MID1: variants seen among roughly 807,000 people sequenced by gnomAD.
MID1 encodes the protein E3 ubiquitin-protein ligase Midline-1.
In MID1, 7 loss-of-function variants were observed where a neutral mutation model predicts 40.4. That is an observed-to-expected ratio of 0.17 (90% CI 0.10 to 0.33). The LOEUF (loss-of-function observed/expected upper bound fraction) is 0.33. MID1 is among the 10% of genes least tolerant of loss of function. The pLI is 1.00. For missense variants in MID1, 367 were observed against 558.5 expected, an observed-to-expected ratio of 0.66 and a Z score of 3.46; for synonymous variants, 229 against 221.2, an observed-to-expected ratio of 1.04 and a Z score of -0.31.
chrX:10,518,922 A>C (rs1456370168), intron 3 of MID1, among the ~76,000 whole-genome samples: 1 of 112,202 alleles, frequency 8.9e-6, no homozygotes, highest in Non-Finnish European at 1.9e-5. Context: ...ATCATATCTG[A>C]TCTATTAAAA....
intron 1 of MID1, among the ~76,000 whole-genome samples, chrX:10,609,715 CTTTT>C (rs138559299): frequency 2.5e-4 from 22 of 86,393 alleles, no homozygotes; most frequent in African/African-American, 1.0e-3. Flanking sequence ...TTCTTTCTTT[CTTTT>C]TTTTTTTTTT....
intron 1 of MID1, among the ~76,000 whole-genome samples, chrX:10,700,667 G>A (rs892199534): frequency 8.9e-6 from 1 of 112,185 alleles, no homozygotes; most frequent in African/African-American, 3.2e-5. Context: ...TGTAATTCTG[G>A]GGCAGAGAAA....
chrX:10,615,399 TATAAG>T (rs1332787309), intron 1 of MID1, among the ~76,000 whole-genome samples: 4 of 112,286 alleles, frequency 3.6e-5, no homozygotes, highest in Non-Finnish European at 5.6e-5. Flanking sequence ...CATTGAATGA[TATAAG>T]AAAGGAAGGA....
At chrX:10,652,926 T>C (rs1936332527) in intron 1 of MID1, among the ~76,000 whole-genome samples, 1 of 112,254 alleles carries the variant, frequency 8.9e-6, no homozygotes, top group Non-Finnish European at 1.9e-5. Context: ...TCCTCTCCTT[T>C]GTGGAGGGCC....
chrX:10,507,209 C>G (rs980586973), intron 3 of MID1, among the ~76,000 whole-genome samples: 1 of 105,189 alleles, frequency 9.5e-6, no homozygotes, highest in African/African-American at 3.5e-5. Flanking sequence ...TCATTAAGGT[C>G]AACTATATTT....
Position 10,613,790 on chromosome X carries a change from CAGAG to C in MID1, c.-57+6496_-57+6499del, listed in dbSNP as rs755388363. On this transcript the variant is annotated intron_variant, in intron 1 of 9. Coordinates refer to ENST00000317552, the MANE Select transcript of MID1 (RefSeq NM_000381.4). ...AGAGACAGACAGACAGACAGACAGA[CAGAG>C]AGAGACTATGTGTATATAAATGGAC... Among the ~76,000 whole-genome samples, 339 of 72,583 alleles carry C rather than the reference CAGAG, an allele frequency of 4.7e-3. 5 individuals are homozygous for C. Among genetic ancestry groups the C allele is most frequent in the African/African-American group, 0.018 (310 of 17,493 alleles). 63.0% of individuals were successfully genotyped at this position (72,583 alleles called of 115,157 possible). A position where few individuals can be genotyped will look rare whatever the true frequency, so the allele number is the denominator to read the frequency against.
chrX:10,459,371 C>T (rs1388527586), intron 8 of MID1, among the ~76,000 whole-genome samples: 2 of 111,958 alleles, frequency 1.8e-5, no homozygotes, highest in Non-Finnish European at 3.8e-5. Context: ...ACAAGAATGC[C>T]TCCAGGAATA....
intron 1 of MID1, among the ~76,000 whole-genome samples, chrX:10,672,516 G>T (rs964490342): frequency 3.6e-5 from 4 of 110,658 alleles, no homozygotes; most frequent in African/African-American, 1.3e-4. Context: ...GCAATGTGAC[G>T]AATGAAGCAG....
At chrX:10,771,410 A>G (rs2043767931) in intron 1 of MID1, among the ~76,000 whole-genome samples, 1 of 110,993 alleles carries the variant, frequency 9.0e-6, no homozygotes, top group African/African-American at 3.3e-5. Flanking sequence ...TCAAATTGGT[A>G]TTTATATGTA....
In MID1 at chrX:10,609,652, T is replaced by C. The variant is rs773939900; in HGVS notation, c.-57+10638A>G. 3.6e-5 allele frequency among the ~76,000 whole-genome samples: 4 copies of C among 110,386 alleles called. No individual in the cohort carries two copies. In the South Asian group the frequency reaches 1.6e-3, roughly 43 times the overall value. On this transcript the variant is annotated intron_variant, in intron 1 of 9. Coordinates refer to ENST00000317552, the MANE Select transcript of MID1 (RefSeq NM_000381.4). ...CTCTTACTAAATAGTAGTTTTATCA[T>C]TGTCAAAAAAACCCATCAAACATCG... is the stretch of plus-strand genomic sequence containing the variant.
In MID1 at chrX:10,579,915, G is replaced by A. The variant is rs760359538; in HGVS notation, c.-56-12312C>T. Among the ~76,000 whole-genome samples, 37 of 109,347 alleles carry A rather than the reference G, an allele frequency of 3.4e-4. No individual in the cohort carries two copies. In the South Asian group the frequency reaches 0.013, roughly 39 times the overall value. 95.0% of individuals were successfully genotyped at this position (109,347 alleles called of 115,157 possible). Reference sequence around the variant, plus strand: ...ACATGGCAATGAAAAGGACAACAGCGCTGACAAATGAAAACAGGATATTAA... The same window carrying A: ...ACATGGCAATGAAAAGGACAACAGCACTGACAAATGAAAACAGGATATTAA... On this transcript the variant is annotated intron_variant, in intron 1 of 9. Coordinates refer to ENST00000317552, the MANE Select transcript of MID1 (RefSeq NM_000381.4).
chrX:10,505,823 T>G, intron 3 of MID1: 1 of 754,337 alleles, frequency 1.3e-6, no homozygotes, highest in Non-Finnish European at 1.6e-6. Flanking sequence ...TTCCTTTTAG[T>G]TGTTGTGCCA....
intron 1 of MID1, among the ~76,000 whole-genome samples, chrX:10,786,531 T>C (rs758100421): frequency 1.8e-5 from 2 of 111,065 alleles, no homozygotes; most frequent in Non-Finnish European, 1.9e-5. Context: ...ATGTTTATTG[T>C]GGCACTATTC....
At chrX:10,469,351 T>C (rs776628719) in intron 7 of MID1, 32 of 955,840 alleles carry the variant, frequency 3.3e-5, no homozygotes, top group Non-Finnish European at 4.1e-5. Context: ...TATTTTGATC[T>C]TTAAGTTATG....
chrX:10,687,472 T>C (rs1361154530), intron 1 of MID1, among the ~76,000 whole-genome samples: 2 of 111,720 alleles, frequency 1.8e-5, no homozygotes, highest in African/African-American at 6.5e-5. Context: ...TTCAATTCAG[T>C]ATGGTAGGGT....
At chrX:10,579,605 G>A (rs1377077034) in intron 1 of MID1, among the ~76,000 whole-genome samples, 1 of 111,143 alleles carries the variant, frequency 9.0e-6, no homozygotes, top group Non-Finnish European at 1.9e-5. Flanking sequence ...AAAGAAAATC[G>A]CTTTTTCCCT....
chrX:10,533,702 TAGATA>T (rs1401406582), intron 2 of MID1, among the ~76,000 whole-genome samples: 1 of 112,124 alleles, frequency 8.9e-6, no homozygotes, highest in African/African-American at 3.2e-5. Flanking sequence ...AAAAAAATTA[TAGATA>T]AGATGTCTTA....
intron 1 of MID1, among the ~76,000 whole-genome samples, chrX:10,753,979 T>C (rs1473071606): frequency 8.9e-6 from 1 of 112,543 alleles, no homozygotes; most frequent in Non-Finnish European, 1.9e-5. Flanking sequence ...GTGGGAGTTG[T>C]CAAAAGTCCA....
At chrX:10,709,297 A>G (rs1425400007) in intron 1 of MID1, among the ~76,000 whole-genome samples, 1 of 112,487 alleles carries the variant, frequency 8.9e-6, no homozygotes, top group African/African-American at 3.2e-5. Context: ...CCAAAAAGGT[A>G]GATCAGTCAT....
Sources: allele counts gnomAD v4.1 joint callset (sites outside exome capture counted in the v4.1 genomes callset), GRCh38; gene constraint gnomAD v4.1.1; transcripts MANE v1.5; gene names NCBI Gene and HGNC (gene_info 2026-07-23, HGNC 2026-07-21).